CNTLN: variants seen among roughly 807,000 people sequenced by gnomAD.
The protein encoded by CNTLN is centlein, centrosomal protein.
Under a neutral mutation model 180.0 loss-of-function variants are expected in CNTLN, and 212 were observed. That is an observed-to-expected ratio of 1.18 (90% CI 1.05 to 1.32). The LOEUF (loss-of-function observed/expected upper bound fraction) is 1.32, where lower values mean the gene tolerates loss of function less well. Ranked by LOEUF, CNTLN falls within the 40% of genes most tolerant of loss-of-function variation. The probability of loss-of-function intolerance (pLI) is 0.00; values close to 1 mark genes in which losing one functional copy is unlikely to be tolerated. For synonymous variants in CNTLN, 722 were observed against 563.1 expected, an observed-to-expected ratio of 1.28 and a Z score of -3.99; for missense variants, 2,095 against 1,610.9, an observed-to-expected ratio of 1.30 and a Z score of -5.14.
chr9:17,241,849 T>G (rs1002171867), intron 5 of CNTLN, among the ~76,000 whole-genome samples: 1 of 152,214 alleles, frequency 6.6e-6, no homozygotes, highest in Admixed American at 6.5e-5. Flanking sequence ...TTTTTCAGAT[T>G]GTTTGCTGTT....
chr9:17,404,886 C>T (rs1170899047), intron 15 of CNTLN, among the ~76,000 whole-genome samples: 5 of 151,432 alleles, frequency 3.3e-5, no homozygotes, highest in Admixed American at 1.3e-4. Flanking sequence ...TACAGGTGTA[C>T]GCCACCACCC....
At chr9:17,511,646 T>TCACA in the CNTLN span, among the ~76,000 whole-genome samples, 22 of 62,030 alleles carry the variant, frequency 3.5e-4, no homozygotes, top group South Asian at 2.2e-3. Flanking sequence ...TCTCTCTCTC[T>TCACA]CTCACACACA....
chr9:17,334,910 T>TAAAAAA (rs71303378), intron 10 of CNTLN, among the ~76,000 whole-genome samples: 4 of 122,566 alleles, frequency 3.3e-5, no homozygotes, highest in Non-Finnish European at 6.8e-5. Context: ...AATCTAAAAT[T>TAAAAAA]AAAAAAAAAA....
chr9:17,384,957 C>T (rs1825573406), intron 13 of CNTLN, among the ~76,000 whole-genome samples: 1 of 152,210 alleles, frequency 6.6e-6, no homozygotes, highest in African/African-American at 2.4e-5. Flanking sequence ...GGACTGCCTC[C>T]ATTTTAGATC....
At position 17,185,636 on chromosome 9, in the gene CNTLN, T is replaced by C. The variant is rs377213982; in HGVS notation, c.450-40567T>C. 1.3e-4 allele frequency among the ~76,000 whole-genome samples: 20 copies of C among 152,272 alleles called. No individual in the cohort carries two copies. The East Asian group carries it at 1.5e-3, about 12-fold the overall frequency. ...TCTACTATAAGGGTTCCCCAGAGCA[T>C]TGAAGAGGTTTCAGAGACCAAGGAG... On this transcript the variant is annotated intron_variant, in intron 2 of 25. Transcript: ENST00000380647.
chr9:17,333,166 A>AAT (rs1339457570), intron 10 of CNTLN, among the ~76,000 whole-genome samples: 13 of 152,064 alleles, frequency 8.5e-5, no homozygotes, highest in Non-Finnish European at 1.8e-4. Flanking sequence ...GTCAAAATGA[A>AAT]ATATATATAT....
intron 10 of CNTLN, among the ~76,000 whole-genome samples, chr9:17,336,457 G>A (rs1278377173): frequency 6.6e-6 from 1 of 152,036 alleles, no homozygotes; most frequent in East Asian, 1.9e-4. Flanking sequence ...TAGTCTCTAG[G>A]ACTAATTTAA....
In CNTLN at chr9:17,502,984, G is replaced by A. The variant is rs553118169; in HGVS notation, c.*332G>A. 3.2e-5 allele frequency: 5 copies of A among 156,734 alleles called. No individual in the cohort carries two copies. Among genetic ancestry groups the A allele is most frequent in the African/African-American group, 1.2e-4 (5 of 41,642 alleles). 9.7% of individuals were successfully genotyped at this position (156,734 alleles called of 1,614,324 possible). A position where few individuals can be genotyped will look rare whatever the true frequency, so the allele number is the denominator to read the frequency against. On this transcript the variant is annotated 3_prime_UTR_variant, in exon 26 of 26. Coordinates refer to ENST00000380647, the MANE Select transcript of CNTLN (RefSeq NM_017738.4). ...ATTGGCCTGAGCATAAGAAGAAAAA[G>A]TATCAACTAAGGATTTAATGTTTTA...
At chr9:17,212,760 A>G (rs972539700) in intron 2 of CNTLN, among the ~76,000 whole-genome samples, 5 of 152,182 alleles carry the variant, frequency 3.3e-5, no homozygotes, top group African/African-American at 4.8e-5. Flanking sequence ...CAGGGATTCA[A>G]CTTCTTCCTG....
chr9:17,173,617 G>A (rs977390045), intron 2 of CNTLN, among the ~76,000 whole-genome samples: 3 of 151,888 alleles, frequency 2.0e-5, no homozygotes, highest in Non-Finnish European at 2.9e-5. Flanking sequence ...GAATTGTAAC[G>A]GTGATTCACA....
intron 2 of CNTLN, among the ~76,000 whole-genome samples, chr9:17,177,602 C>T (rs866431053): frequency 6.6e-5 from 10 of 151,932 alleles, no homozygotes; most frequent in South Asian, 2.1e-4. Context: ...CTGGTGGGTT[C>T]GTGGTCTCAC....
At chr9:17,397,791 C>T (rs1826654635) in intron 15 of CNTLN, among the ~76,000 whole-genome samples, 1 of 152,100 alleles carries the variant, frequency 6.6e-6, no homozygotes, top group Non-Finnish European at 1.5e-5. Flanking sequence ...TACAATATCT[C>T]TTAAAATATA....
In CNTLN at chr9:17,387,692, A is replaced by T. The variant is rs145034473; in HGVS notation, c.1988-470A>T. Among the ~76,000 whole-genome samples the T allele has an allele frequency of 5.0e-3, 762 of 152,140 alleles. 4 individuals carry two copies. The highest frequency in any genetic ancestry group is 0.02 in the Middle Eastern group (6 of 294). On this transcript the variant is annotated intron_variant, in intron 13 of 25. Coordinates refer to ENST00000380647, the MANE Select transcript of CNTLN (RefSeq NM_017738.4). ...GTGCATGATCCTTCACTTGAAAAAA[A>T]GGTTGTGGTAGGGGTTGTTACAATT...
At chr9:17,244,314 C>G (rs1344834975) in intron 5 of CNTLN, among the ~76,000 whole-genome samples, 1 of 151,882 alleles carries the variant, frequency 6.6e-6, no homozygotes. Context: ...TAGGCTCAAG[C>G]AATCCTCCCA....
At chr9:17,380,294 A>T (rs1825134431) in intron 13 of CNTLN, among the ~76,000 whole-genome samples, 1 of 152,208 alleles carries the variant, frequency 6.6e-6, no homozygotes, top group Non-Finnish European at 1.5e-5. Flanking sequence ...AGAATGAGTC[A>T]GAACGAGGAC....
At chr9:17,266,201 T>C (rs1194292476) in intron 5 of CNTLN, among the ~76,000 whole-genome samples, 1 of 152,148 alleles carries the variant, frequency 6.6e-6, no homozygotes, top group Non-Finnish European at 1.5e-5. Context: ...TTCTACACAC[T>C]GCTTTGAATG....
intron 2 of CNTLN, among the ~76,000 whole-genome samples, chr9:17,200,199 A>G (rs904146104): frequency 1.3e-5 from 2 of 152,046 alleles, no homozygotes; most frequent in South Asian, 2.1e-4. Context: ...TGGTCTACAT[A>G]TATGTTTTGG....
Position 17,305,357 on chromosome 9 carries a change from G to A in CNTLN, c.1147-3701G>A, listed in dbSNP as rs552595973. Reference sequence around the variant, plus strand: ...CTTACAAAAAAATTCTTATCCATTCGAGCTTTTTGGATTATTAGAGGAAAG... The same window carrying A: ...CTTACAAAAAAATTCTTATCCATTCAAGCTTTTTGGATTATTAGAGGAAAG... On this transcript the variant is annotated intron_variant, in intron 7 of 25. Transcript: ENST00000380647. Among the ~76,000 whole-genome samples the A allele has an allele frequency of 3.3e-5, 5 of 152,062 alleles. No homozygotes were observed. In the South Asian group the frequency reaches 6.2e-4, roughly 19 times the overall value.
the CNTLN span, among the ~76,000 whole-genome samples, chr9:17,521,543 T>C: frequency 1.3e-5 from 2 of 152,198 alleles, no homozygotes; most frequent in Admixed American, 1.3e-4. Flanking sequence ...GCCTAGCTTT[T>C]AGCCATTTTT....
Sources: gnomAD v4.1 joint callset for allele counts (sites outside exome capture counted in the v4.1 genomes callset) on GRCh38, gnomAD v4.1.1 for gene constraint, MANE v1.5 for transcripts, NCBI Gene and HGNC (gene_info 2026-07-23, HGNC 2026-07-21) for gene names.